FANCA: variants seen among roughly 807,000 people sequenced by gnomAD.
FANCA encodes the protein FA complementation group A.
A neutral mutation model predicts 194.3 loss-of-function variants in FANCA; 236 were observed. The ratio of observed to expected loss-of-function variants is 1.21; its 90% CI spans 1.09 to 1.35. The LOEUF (loss-of-function observed/expected upper bound fraction) is 1.35, where lower values mean the gene tolerates loss of function less well. Ranked by LOEUF, FANCA falls within the 40% of genes most tolerant of loss-of-function variation. The pLI is 0.00. For synonymous variants in FANCA, 1,014 were observed against 715.8 expected, an observed-to-expected ratio of 1.42 and a Z score of -6.65; for missense variants, 2,628 against 1,813.9, an observed-to-expected ratio of 1.45 and a Z score of -8.15.
At chr16:89,761,333 G>C (rs1193899274) in intron 29 of FANCA, among the ~76,000 whole-genome samples, 1 of 151,586 alleles carries the variant, frequency 6.6e-6, no homozygotes, top group Admixed American at 6.6e-5. Context: ...CCAGGAGAAT[G>C]GCGTGAACCC....
rs571975567 is a variant in FANCA at position 89,808,410 on chromosome 16, C to A, written c.523-43G>T. ...ACAAACAAAAACAAAAACAAAAAAA[C>A]CCCCAGCATTCTGAGTCCTTTATGA... is the stretch of plus-strand genomic sequence containing the variant. On this transcript the variant is annotated intron_variant, in intron 5 of 42. Coordinates refer to ENST00000389301, the MANE Select transcript of FANCA (RefSeq NM_000135.4). The A allele has an allele frequency of 2.0e-4, 311 of 1,586,184 alleles. 2 individuals are homozygous for A. Among genetic ancestry groups the A allele is most frequent in the Non-Finnish European group, 2.3e-4 (260 of 1,155,416 alleles).
At chr16:89,799,327 T>A in intron 9 of FANCA, 95 bp from the exon 10 acceptor site, 1 of 1,422,502 alleles carries the variant, frequency 7.0e-7, no homozygotes, top group Non-Finnish European at 9.8e-7. Context: ...CAGATCCACT[T>A]CAACCCCCCA....
intron 22 of FANCA, among the ~76,000 whole-genome samples, chr16:89,772,069 T>A (rs2039345431): frequency 6.6e-6 from 1 of 152,132 alleles, no homozygotes; most frequent in African/African-American, 2.4e-5. Flanking sequence ...GGGGGACATG[T>A]TCATTCACCA....
intron 36 of FANCA, chr16:89,744,561 T>G (rs1339501919): frequency 1.2e-5 from 4 of 332,566 alleles, no homozygotes; most frequent in African/African-American, 8.6e-5. Flanking sequence ...CACATTAGAT[T>G]TAAGAGGAAG....
Position 89,800,533 on chromosome 16 carries a change from C to T in FANCA, c.793-895G>A, listed in dbSNP as rs116594675. On this transcript the variant is annotated intron_variant, in intron 8 of 42. Transcript: ENST00000389301. ...CTATCAAAATACCAATAACGTTCTT[C>T]CCAGAAATAGAAAAAAAGATTCTAA... is the stretch of plus-strand genomic sequence containing the variant. Among the ~76,000 whole-genome samples, 1,220 of 152,224 alleles carry T rather than the reference C, an allele frequency of 8.0e-3. 13 individuals carry two copies. Among genetic ancestry groups the T allele is most frequent in the Middle Eastern group, 0.024 (7 of 294 alleles).
chr16:89,778,990 G>C lies in FANCA; in HGVS notation c.1729C>G (p.Pro577Ala), dbSNP rs774227985. Residue 577 changes from proline to alanine, a missense_variant, in exon 19 of 43, where the codon CCT (proline) becomes GCT (alanine). Coordinates refer to ENST00000389301, the MANE Select transcript of FANCA (RefSeq NM_000135.4). ...GGGAGGAAGTGGGACACGTAGTAAG[G>C]CCTCCTGAATATGCTGCAACACAGA... Reference protein sequence around the residue: ...TVMEASIFRRPYYVSHFLPAL... With the variant: ...TVMEASIFRRAYYVSHFLPAL... 9.9e-6 allele frequency: 16 copies of C among 1,613,734 alleles called. No homozygotes were observed. In the South Asian group the frequency reaches 1.3e-4, roughly 13 times the overall value.
rs754751562 is a variant in FANCA at position 89,742,955 on chromosome 16, G to A, written c.3627-17C>T. 11 of 1,613,056 alleles carry A rather than the reference G, an allele frequency of 6.8e-6. No individual in the cohort carries two copies. Among genetic ancestry groups the A allele is most frequent in the South Asian group, 5.5e-5 (5 of 91,046 alleles). ...GAGAGGAAACTGGGACAGAGAGAAC[G>A]GGGTCATTGCAGGGCCTTACAACCA... On this transcript the variant is annotated splice_polypyrimidine_tract_variant and intron_variant, in intron 36 of 42. Transcript: ENST00000389301.
chr16:89,771,976 A>G (rs1488030406), intron 22 of FANCA, among the ~76,000 whole-genome samples, 162 bp from the exon 23 acceptor site: 2 of 152,224 alleles, frequency 1.3e-5, no homozygotes, highest in African/African-American at 4.8e-5. Context: ...TTCGCCCCGC[A>G]GGATTTGCAG....
intron 17 of FANCA, among the ~76,000 whole-genome samples, chr16:89,780,427 G>T (rs542376576): frequency 2.6e-5 from 4 of 152,160 alleles, no homozygotes; most frequent in Admixed American, 2.0e-4. Context: ...GTTCAAGCCC[G>T]GCCTGGGCAA....
At chr16:89,777,248 G>A (rs1194324328) in intron 20 of FANCA, among the ~76,000 whole-genome samples, 1 of 151,906 alleles carries the variant, frequency 6.6e-6, no homozygotes, top group Non-Finnish European at 1.5e-5. Flanking sequence ...TGGGTGTGGT[G>A]GAGCACGCCT....
chr16:89,787,253 G>A (rs947356645), intron 14 of FANCA, among the ~76,000 whole-genome samples: 1 of 152,152 alleles, frequency 6.6e-6, no homozygotes, highest in Non-Finnish European at 1.5e-5. Context: ...GCCGGGCGCG[G>A]TGGCTAGCGC....
chr16:89,760,394 C>G (rs1396812146), intron 29 of FANCA, among the ~76,000 whole-genome samples: 2 of 152,204 alleles, frequency 1.3e-5, no homozygotes, highest in Non-Finnish European at 2.9e-5. Flanking sequence ...TACCAGGATC[C>G]AGGTGCAGGC....
At chr16:89,767,611 C>T (rs1033496439) in intron 26 of FANCA, among the ~76,000 whole-genome samples, 2 of 151,994 alleles carry the variant, frequency 1.3e-5, no homozygotes, top group Admixed American at 6.6e-5. Context: ...TAGAGTGGTG[C>T]GATTTCGGCT....
At chr16:89,804,953 T>C (rs890959029) in intron 7 of FANCA, among the ~76,000 whole-genome samples, 1 of 152,120 alleles carries the variant, frequency 6.6e-6, no homozygotes, top group Admixed American at 6.6e-5. Context: ...AGAGAATCAC[T>C]TGAACCCAGG....
intron 14 of FANCA, among the ~76,000 whole-genome samples, chr16:89,785,371 A>G (rs901535636): frequency 3.9e-5 from 6 of 152,346 alleles, no homozygotes; most frequent in African/African-American, 1.4e-4. Context: ...GTTTGTGCAC[A>G]GCAAACAAAT....
chr16:89,791,265 C>G (rs1418042889), intron 14 of FANCA, 138 bp downstream of exon 14: 3 of 1,172,396 alleles, frequency 2.6e-6, no homozygotes, highest in South Asian at 1.3e-5. Flanking sequence ...AGAGGAAGAT[C>G]TGCCAAGGCC....
chr16:89,804,658 T>G (rs1299647773), intron 7 of FANCA, among the ~76,000 whole-genome samples: 1 of 152,176 alleles, frequency 6.6e-6, no homozygotes, highest in African/African-American at 2.4e-5. Context: ...GGTTGGTCCC[T>G]AGTCTGAGCC....
intron 11 of FANCA, 90 bp from the exon 12 acceptor site, chr16:89,792,637 T>C (rs987984788): frequency 1.9e-6 from 2 of 1,067,502 alleles, no homozygotes; most frequent in Non-Finnish European, 2.9e-6. Flanking sequence ...GGTCGGTGGG[T>C]CTCTCCCCGT....
At chr16:89,769,477 G>T (rs2039246760) in intron 26 of FANCA, among the ~76,000 whole-genome samples, 1 of 152,172 alleles carries the variant, frequency 6.6e-6, no homozygotes, top group South Asian at 2.1e-4. Context: ...ACCATGGGGT[G>T]CCGAAGAACC....
Sources: gnomAD v4.1 joint callset for allele counts (sites outside exome capture counted in the v4.1 genomes callset) on GRCh38, gnomAD v4.1.1 for gene constraint, MANE v1.5 for transcripts, NCBI Gene and HGNC (gene_info 2026-07-23, HGNC 2026-07-21) for gene names.